OSBPL9: variants seen among roughly 807,000 people sequenced by gnomAD.
OSBPL9 encodes the protein oxysterol-binding protein-related protein 9.
A neutral mutation model predicts 106.6 loss-of-function variants in OSBPL9; 40 were observed. That is an observed-to-expected ratio of 0.38 (90% CI 0.29 to 0.49). The LOEUF is 0.49. Ranked by LOEUF, OSBPL9 falls within the 20% of genes least tolerant of loss-of-function variation. The pLI, the probability that OSBPL9 is intolerant of heterozygous loss-of-function variation, is 0.97. For synonymous variants in OSBPL9, 269 were observed against 295.4 expected, an observed-to-expected ratio of 0.91 and a Z score of 0.92; for missense variants, 609 against 887.2, an observed-to-expected ratio of 0.69 and a Z score of 3.98.
chr1:51,676,474 G>A (rs952223301), intron 3 of OSBPL9, among the ~76,000 whole-genome samples: 2 of 151,656 alleles, frequency 1.3e-5, no homozygotes, highest in African/African-American at 2.4e-5. Flanking sequence ...TTAAATTACA[G>A]TGCAGTTTAA....
At chr1:51,540,753 A>G in the OSBPL9 span, among the ~76,000 whole-genome samples, 1 of 151,758 alleles carries the variant, frequency 6.6e-6, no homozygotes, top group Non-Finnish European at 1.5e-5. Context: ...GAGGTCAGGA[A>G]TTCCAGACCA....
At chr1:51,696,609 A>G (rs1329915143) in intron 3 of OSBPL9, among the ~76,000 whole-genome samples, 1 of 152,104 alleles carries the variant, frequency 6.6e-6, no homozygotes, top group East Asian at 1.9e-4. Flanking sequence ...CTTACACCCA[A>G]ACTTTAATGA....
intron 1 of OSBPL9, among the ~76,000 whole-genome samples, chr1:51,639,067 C>G (rs943019123): frequency 6.6e-6 from 1 of 152,058 alleles, no homozygotes; most frequent in Admixed American, 6.6e-5. Context: ...CTTTTATTGA[C>G]GTATAATTTT....
chr1:51,518,784 G>C, the OSBPL9 span, among the ~76,000 whole-genome samples: 1 of 151,584 alleles, frequency 6.6e-6, no homozygotes, highest in Non-Finnish European at 1.5e-5. Flanking sequence ...GCGGCCCGGG[G>C]GTGCGGCCGG....
chr1:51,622,018 G>T (rs535151579), intron 1 of OSBPL9, among the ~76,000 whole-genome samples: 11 of 147,050 alleles, frequency 7.5e-5, no homozygotes, highest in African/African-American at 1.7e-4. Context: ...TGAAATGTGT[G>T]TTTTTTTTTT....
chr1:51,684,786 G>A (rs1557686437), intron 3 of OSBPL9, among the ~76,000 whole-genome samples: 1 of 152,128 alleles, frequency 6.6e-6, no homozygotes, highest in South Asian at 2.1e-4. Context: ...TGCCCACCTC[G>A]GCCTCCCAAA....
At chr1:51,744,166 C>T (rs2148995301) in intron 4 of OSBPL9, among the ~76,000 whole-genome samples, 1 of 152,042 alleles carries the variant, frequency 6.6e-6, no homozygotes, top group East Asian at 1.9e-4. Context: ...TAATAAAATT[C>T]TATTTTTTCT....
At chr1:51,547,672 C>A in the OSBPL9 span, among the ~76,000 whole-genome samples, 3 of 152,086 alleles carry the variant, frequency 2.0e-5, no homozygotes, top group East Asian at 5.8e-4. Context: ...GGCGAAACCC[C>A]ATCTCTACTA....
Position 51,585,098 on chromosome 1 carries a change from C to T in OSBPL9, c.-423+7842C>T, listed in dbSNP as rs550923163. ...CTGAGGTGGGAGGATCACTTCAGCC[C>T]AGGAGTTCGAGGCTGCCATAAGCTA... On this transcript the variant is annotated intron_variant, in intron 1 of 25. Transcript: ENST00000371714. Among the ~76,000 whole-genome samples the T allele has an allele frequency of 3.4e-4, 52 of 151,506 alleles. No individual in the cohort carries two copies. In the South Asian group the frequency reaches 6.5e-3, roughly 19 times the overall value.
Position 51,787,810 on chromosome 1 carries a change from T to C in OSBPL9, c.*21T>C. Reference sequence around the variant, plus strand: ...ATTAGGTTGGAAGATGCAAAGTTTATACCTGATGATCAGGGCAGTAGGCAT... The same window carrying C: ...ATTAGGTTGGAAGATGCAAAGTTTACACCTGATGATCAGGGCAGTAGGCAT... On this transcript the variant is annotated 3_prime_UTR_variant, in exon 24 of 24. Coordinates refer to ENST00000428468, the MANE Select transcript of OSBPL9 (RefSeq NM_024586.6). 6.3e-7 allele frequency: 1 copy of C among 1,587,940 alleles called. No individual in the cohort carries two copies.
chr1:51,601,270 G>GATAGGGAATTAGATAGGAAAT (rs1645324320), intron 2 of OSBPL9, among the ~76,000 whole-genome samples: 1 of 152,216 alleles, frequency 6.6e-6, no homozygotes, highest in East Asian at 1.9e-4. Flanking sequence ...TTACTGTGTA[G>GATAGGGAATTAGATAGGAAAT]TCCTGGGAAT....
At chr1:51,594,439 GA>G (rs900351674) in intron 1 of OSBPL9, among the ~76,000 whole-genome samples, 4 of 151,318 alleles carry the variant, frequency 2.6e-5, no homozygotes, top group Non-Finnish European at 5.9e-5. Context: ...AAAGAAAAAA[GA>G]AAAAAAAGAA....
intron 1 of OSBPL9, among the ~76,000 whole-genome samples, chr1:51,649,444 T>G (rs890865564): frequency 6.6e-6 from 1 of 152,216 alleles, no homozygotes; most frequent in African/African-American, 2.4e-5. Context: ...GTCTGCACCC[T>G]GTGCTCTTGT....
intron 2 of OSBPL9, among the ~76,000 whole-genome samples, chr1:51,605,139 G>T (rs1340465534): frequency 2.0e-5 from 3 of 152,194 alleles, no homozygotes; most frequent in African/African-American, 4.8e-5. Context: ...AGGTATTTGG[G>T]ATACTGAGAT....
At chr1:51,563,734 C>G in the OSBPL9 span, 1 of 151,974 alleles carries the variant, frequency 6.6e-6, no homozygotes, top group Non-Finnish European at 1.5e-5. Context: ...AAAGTCTTCC[C>G]AGTACTAAAA....
intron 2 of OSBPL9, among the ~76,000 whole-genome samples, chr1:51,607,164 C>CT (rs1320905927): frequency 0.035 from 4,788 of 136,362 alleles, 170 homozygotes; most frequent in Admixed American, 0.091. Context: ...TTTTCTTTTT[C>CT]TTTTTTTTTT....
intron 22 of OSBPL9, among the ~76,000 whole-genome samples, chr1:51,787,068 A>G (rs994960131): frequency 4.6e-5 from 7 of 152,214 alleles, no homozygotes; most frequent in Non-Finnish European, 7.3e-5. Context: ...TAAGTTAGAC[A>G]TAGAGCCAGA....
At chr1:51,586,138 C>A (rs1645246310) in intron 1 of OSBPL9, among the ~76,000 whole-genome samples, 1 of 151,850 alleles carries the variant, frequency 6.6e-6, no homozygotes, top group South Asian at 2.1e-4. Flanking sequence ...CGTGCCACTG[C>A]ACTCCAGCCT....
chr1:51,740,550 T>C (rs1478071956), intron 4 of OSBPL9, among the ~76,000 whole-genome samples: 1 of 152,136 alleles, frequency 6.6e-6, no homozygotes, highest in Non-Finnish European at 1.5e-5. Flanking sequence ...TCTGATTTTT[T>C]CTATGAGACA....
Sources: gnomAD v4.1 joint callset for allele counts (sites outside exome capture counted in the v4.1 genomes callset) on GRCh38, gnomAD v4.1.1 for gene constraint, MANE v1.5 for transcripts, NCBI Gene and HGNC (gene_info 2026-07-23, HGNC 2026-07-21) for gene names.